Variants in MED13 observed in about 807,000 individuals in gnomAD.
MED13 encodes mediator complex subunit 13.
In MED13, 23 loss-of-function variants were observed where a neutral mutation model predicts 225.2. The observed-to-expected ratio is 0.10, with a 90% CI of 0.07 to 0.14. MED13 has a LOEUF of 0.14. MED13 is among the 10% of genes least tolerant of loss of function. MED13 has a pLI of 1.00. For missense variants in MED13, 2,197 were observed against 2,594.5 expected, an observed-to-expected ratio of 0.85 and a Z score of 3.33; for synonymous variants, 942 against 889.2, an observed-to-expected ratio of 1.06 and a Z score of -1.06.
At position 61,955,854 on chromosome 17, in the gene MED13, G is replaced by GT. The variant is rs758263536; in HGVS notation, c.5624-17dup. ...CAGCTCCAATCTGTGGGTATCAACA[G>GT]TAAAAAAAAAAAAAAAAAAAAAAAA... On this transcript the variant is annotated splice_polypyrimidine_tract_variant and intron_variant, in intron 24 of 29. Coordinates refer to ENST00000397786, the MANE Select transcript of MED13 (RefSeq NM_005121.3). 1.2e-5 allele frequency: 3 copies of GT among 254,524 alleles called. No homozygotes were observed. Among genetic ancestry groups the GT allele is most frequent in the Non-Finnish European group, 1.5e-5 (3 of 197,244 alleles). 15.8% of individuals were successfully genotyped at this position (254,524 alleles called of 1,614,324 possible).
chr17:62,039,577 C>G lies in MED13; in HGVS notation c.471-3969G>C, dbSNP rs1407486379. Among the ~76,000 whole-genome samples, 3 of 150,638 alleles carry G rather than the reference C, an allele frequency of 2.0e-5. No individual in the cohort carries two copies. In the East Asian group the frequency reaches 5.9e-4, roughly 30 times the overall value. ...TAAATTACAGGCATGAACCACCGCACCCAGCCAAGATTTTTTTTTTTTTTT... is the reference window on the plus strand; with the variant it reads ...TAAATTACAGGCATGAACCACCGCAGCCAGCCAAGATTTTTTTTTTTTTTT... On this transcript the variant is annotated intron_variant, in intron 3 of 29. Transcript: ENST00000397786.
In MED13 at chr17:62,032,063, A is replaced by G. The variant is rs577846775; in HGVS notation, c.815-425T>C. 3.9e-5 allele frequency among the ~76,000 whole-genome samples: 6 copies of G among 152,198 alleles called. No homozygotes were observed. In the South Asian group the frequency reaches 1.2e-3, roughly 32 times the overall value. On this transcript the variant is annotated intron_variant, in intron 5 of 29. Coordinates refer to ENST00000397786, the MANE Select transcript of MED13 (RefSeq NM_005121.3). ...TTACTTTTCTATATGCCTCTATTTT[A>G]AAAGCCTAAAAAATGTGTGTTTTTT...
intron 2 of MED13, among the ~76,000 whole-genome samples, chr17:62,053,239 G>A (rs1322928774): frequency 2.0e-5 from 3 of 152,088 alleles, no homozygotes; most frequent in Non-Finnish European, 4.4e-5. Flanking sequence ...CCTAACAAGC[G>A]GTGCACTATC....
Position 62,065,173 on chromosome 17 carries a change from G to A in MED13, c.33C>T (p.Ser11=). The change falls in exon 1 of 30, where the codon AGC becomes AGT. Residue 11 remains serine (S), a synonymous_variant. Coordinates refer to ENST00000397786, the MANE Select transcript of MED13 (RefSeq NM_005121.3). The part of the protein sequence containing the change: MSASFVPNGA[S]LEDCHCNLFC... The stretch of plus-strand genomic sequence containing the variant: ...AGAGGTTACAGTGACAATCTTCCAG[G>A]CTGGCCCCGTTCGGCACGAAGGAGG... 6.3e-7 allele frequency: 1 copy of A among 1,581,214 alleles called. No individual in the cohort carries two copies. The highest frequency in any genetic ancestry group is 2.4e-5 in the East Asian group (1 of 41,818).
chr17:61,996,853 G>C lies in MED13; in HGVS notation c.1968-1488C>G, dbSNP rs1005365987. ...CCACAAGGACAGGGGTCTAACCTTT[G>C]TTCACTAATTTAGCACAGATGCCTA... On this transcript the variant is annotated intron_variant, in intron 9 of 29. Transcript: ENST00000397786. 7.9e-5 allele frequency among the ~76,000 whole-genome samples: 12 copies of C among 152,134 alleles called. No individual in the cohort carries two copies. In the South Asian group the frequency reaches 1.4e-3, roughly 18 times the overall value.
chr17:61,965,191 A>T lies in MED13; in HGVS notation c.4659T>A (p.Asn1553Lys). 2.5e-6 allele frequency: 4 copies of T among 1,614,208 alleles called. No homozygotes were observed. The highest frequency in any genetic ancestry group is 3.4e-6 in the Non-Finnish European group (4 of 1,180,026). The change falls in exon 20 of 30, where the codon AAT becomes AAA. Residue 1553 changes from asparagine to lysine, a missense_variant. Coordinates refer to ENST00000397786, the MANE Select transcript of MED13 (RefSeq NM_005121.3). ...SSNLNSGVSS[N>K]KLPSFPPFGS... ...CAAAGGGTGGAAACGAAGGTAGTTT[A>T]TTTGATGATACTCCACTATTCAAGT... is the stretch of plus-strand genomic sequence containing the variant.
At chr17:62,015,911 TACAC>T (rs1181563177) in intron 8 of MED13, among the ~76,000 whole-genome samples, 2 of 33,804 alleles carry the variant, frequency 5.9e-5, no homozygotes, top group African/African-American at 1.2e-4. Flanking sequence ...ATACACACTA[TACAC>T]ATATATATAT....
chr17:62,027,966 T>TG (rs1475406090), intron 8 of MED13, among the ~76,000 whole-genome samples: 2 of 152,100 alleles, frequency 1.3e-5, no homozygotes, highest in Non-Finnish European at 2.9e-5. Flanking sequence ...TTGATGGAAG[T>TG]GAAAATAGTT....
chr17:61,975,309 T>C (rs2080144809), intron 16 of MED13, among the ~76,000 whole-genome samples: 2 of 152,150 alleles, frequency 1.3e-5, no homozygotes, highest in African/African-American at 4.8e-5. Context: ...GAAAAGTCAT[T>C]TCTCCAAAGA....
intron 2 of MED13, among the ~76,000 whole-genome samples, chr17:62,060,590 G>C (rs1010329650): frequency 6.9e-6 from 1 of 144,226 alleles, no homozygotes; most frequent in Non-Finnish European, 1.5e-5. Flanking sequence ...TGCACTCAGA[G>C]AGCGAGATCA....
At chr17:62,044,232 T>TA (rs202062449) in intron 3 of MED13, among the ~76,000 whole-genome samples, 2,412 of 146,524 alleles carry the variant, frequency 0.016, 20 homozygotes, top group South Asian at 0.041. Flanking sequence ...TTTACTTCCT[T>TA]AAAAAAAAAA....
In MED13 at chr17:61,982,531, C is replaced by T; in HGVS notation, c.3472G>A (p.Glu1158Lys). 1 of 1,614,194 alleles carries T rather than the reference C, an allele frequency of 6.2e-7. No homozygotes were observed. Among genetic ancestry groups the T allele is most frequent in the South Asian group, 1.1e-5 (1 of 91,072 alleles). The change falls in exon 16 of 30, where the codon GAA becomes AAA. Residue 1158 changes from glutamate to lysine, a missense_variant. Around this residue, in one of 12 missense-constraint regions of MED13, gnomAD observed 203 missense variants for 209.7 expected, o/e 0.97. Coordinates refer to ENST00000397786, the MANE Select transcript of MED13 (RefSeq NM_005121.3). Reference sequence around the variant, plus strand: ...AGAGCTTCAAAACGTTTTTCTGCTTCTTTGCCACAGTCTGTATTGCGTCCT... The same window carrying T: ...AGAGCTTCAAAACGTTTTTCTGCTTTTTTGCCACAGTCTGTATTGCGTCCT... ...IIGRNTDCGKEAEKRFEALRA... is the reference protein window; with the variant it reads ...IIGRNTDCGKKAEKRFEALRA...
intron 3 of MED13, among the ~76,000 whole-genome samples, chr17:62,037,285 T>C (rs2080811975): frequency 1.3e-5 from 2 of 151,258 alleles, no homozygotes; most frequent in Non-Finnish European, 2.9e-5. Flanking sequence ...TAAAATAAAA[T>C]AAAAATTAAT....
intron 3 of MED13, among the ~76,000 whole-genome samples, chr17:62,046,355 T>C (rs930641807): frequency 6.6e-6 from 1 of 152,212 alleles, no homozygotes; most frequent in Non-Finnish European, 1.5e-5. Context: ...AAGTCAGTTA[T>C]TATACCACAA....
intron 9 of MED13, among the ~76,000 whole-genome samples, chr17:62,008,797 T>C (rs1365402952): frequency 6.6e-6 from 1 of 151,722 alleles, no homozygotes; most frequent in East Asian, 1.9e-4. Context: ...CTAATCAAAA[T>C]GAAATCCTAG....
At chr17:61,993,918 C>T (rs2080324597) in intron 10 of MED13, among the ~76,000 whole-genome samples, 1 of 148,142 alleles carries the variant, frequency 6.8e-6, no homozygotes, top group African/African-American at 2.6e-5. Context: ...GCAACAAGAG[C>T]GAAACTCCGT....
chr17:62,004,783 G>C (rs368378279), intron 9 of MED13: 1 of 152,202 alleles, frequency 6.6e-6, no homozygotes, highest in African/African-American at 2.4e-5. Context: ...ATGTAGAATA[G>C]AAACAAGGAG....
chr17:62,002,154 T>C (rs749741985), intron 9 of MED13, among the ~76,000 whole-genome samples: 42 of 152,222 alleles, frequency 2.8e-4, no homozygotes, highest in South Asian at 8.3e-4. Context: ...TCTTTAAAAT[T>C]GTAAGTGCTT....
chr17:62,004,258 C>CAA (rs2080424611), intron 9 of MED13: 2 of 152,078 alleles, frequency 1.3e-5, no homozygotes. Context: ...CAGCAGTAAA[C>CAA]AAGACAAGAG....
Sources: gnomAD v4.1 joint callset for allele counts (sites outside exome capture counted in the v4.1 genomes callset) on GRCh38, gnomAD v4.1.1 for gene constraint, gnomAD v4.1.1 regional missense constraint, MANE v1.5 for transcripts, NCBI Gene and HGNC (gene_info 2026-07-23, HGNC 2026-07-21) for gene names.